Variants in MEI1 observed in about 807,000 individuals in gnomAD.
MEI1 encodes the protein meiosis inhibitor protein 1.
Under a neutral mutation model 146.2 loss-of-function variants are expected in MEI1, and 103 were observed. The ratio of observed to expected loss-of-function variants is 0.70; its 90% CI spans 0.60 to 0.83. The LOEUF (loss-of-function observed/expected upper bound fraction) is 0.83, where lower values mean the gene tolerates loss of function less well. Among genes scored for constraint, MEI1 ranks in the 40% least tolerant of loss-of-function variants. The pLI is 0.00. For missense variants in MEI1, 1,529 were observed against 1,533.0 expected (o/e 1.00, Z 0.04); for synonymous variants, 652 against 628.2 (o/e 1.04, Z -0.57).
At chr22:41,700,941 T>TTC (rs2068673891) in intron 1 of MEI1, among the ~76,000 whole-genome samples, 1 of 143,498 alleles carries the variant, frequency 7.0e-6, no homozygotes. Context: ...CTTTCTTTCT[T>TTC]TTTTTTTTTT....
In MEI1 at chr22:41,776,227, G is replaced by C; in HGVS notation, c.2670G>C (p.Leu890=). 1 of 1,613,904 alleles carries C rather than the reference G, an allele frequency of 6.2e-7. No individual in the cohort carries two copies. Among genetic ancestry groups the C allele is most frequent in the African/African-American group, 1.3e-5 (1 of 75,056 alleles). The change falls in exon 21 of 31, where the codon CTG becomes CTC. Residue 890 remains leucine, a synonymous_variant. Coordinates refer to ENST00000401548, the MANE Select transcript of MEI1 (RefSeq NM_152513.4). The part of the protein sequence containing the change: ...GLIRGHFLLI[L]QRLLVEHGAS... Reference sequence around the variant, plus strand: ...TCCGAGGCCACTTCCTGCTGATCCTGCAGCGTCTGCTAGTGGAGCATGGGG... The same window carrying C: ...TCCGAGGCCACTTCCTGCTGATCCTCCAGCGTCTGCTAGTGGAGCATGGGG...
At chr22:41,794,126 T>C (rs1444990224) in intron 27 of MEI1, among the ~76,000 whole-genome samples, 1 of 152,232 alleles carries the variant, frequency 6.6e-6, no homozygotes, top group African/African-American at 2.4e-5. Context: ...AAGGTCACAA[T>C]GCTCTTAAGT....
At position 41,770,782 on chromosome 22, in the gene MEI1, T is replaced by C; in HGVS notation, c.2365T>C (p.Tyr789His). The C allele has an allele frequency of 6.2e-7, 1 of 1,613,980 alleles. No individual in the cohort carries two copies. The highest frequency in any genetic ancestry group is 8.5e-7 in the Non-Finnish European group (1 of 1,179,882). Reference protein sequence around the residue: ...HPLLLRFFLLYPELMSRYGHR... With the variant: ...HPLLLRFFLLHPELMSRYGHR... ...GCTCCTGCTCAGGTTCTTTCTGTTG[T>C]ATCCAGAGCTCATGAGTAGGTATGG... The change falls in exon 20 of 31, where the codon TAT becomes CAT. Residue 789 changes from tyrosine (Y) to histidine (H), a missense_variant. Tyr to His is a moderately conservative substitution (Grantham distance 83, BLOSUM62 2). Transcript: ENST00000401548.
chr22:41,794,117 A>AGG (rs1168330917), intron 27 of MEI1, among the ~76,000 whole-genome samples: 1 of 152,236 alleles, frequency 6.6e-6, no homozygotes, highest in Non-Finnish European at 1.5e-5. Context: ...TGCCCAACCA[A>AGG]GGTCACAATG....
rs558880155 is a variant in MEI1 at position 41,730,362 on chromosome 22, GTTTA to G, written c.980-156_980-153del. ...AACCATAACCAAGGGCACTTTCCAG[GTTTA>G]TTAGTGGATTGATGATCATGACTCA... On this transcript the variant is annotated intron_variant, in intron 8 of 30. Transcript: ENST00000401548. 8.1e-4 allele frequency among the ~76,000 whole-genome samples: 124 copies of G among 152,304 alleles called. 1 individual carries two copies. Among genetic ancestry groups the G allele is most frequent in the African/African-American group, 3.0e-3 (124 of 41,564 alleles).
chr22:41,723,728 C>A (rs949268324), intron 6 of MEI1, among the ~76,000 whole-genome samples: 12 of 152,182 alleles, frequency 7.9e-5, no homozygotes, highest in Admixed American at 7.9e-4. Context: ...TCTTGAATCC[C>A]TAGACCCTTA....
intron 21 of MEI1, among the ~76,000 whole-genome samples, chr22:41,777,861 CTTCCTTCCTTCG>C (rs1343822761): frequency 4.0e-5 from 6 of 150,274 alleles, no homozygotes. Flanking sequence ...TGCTTCCTTC[CTTCCTTCCTTCG>C]TTCCTTCCTT....
chr22:41,755,131 T>C (rs1038515246), intron 17 of MEI1, among the ~76,000 whole-genome samples: 8 of 152,320 alleles, frequency 5.3e-5, no homozygotes, highest in South Asian at 2.1e-4. Flanking sequence ...CTGCTGTGGA[T>C]AGAGCGATTA....
rs774059965 is a variant in MEI1, at chr22:41,795,511, C to T, written c.3635C>T (p.Thr1212Ile). ...GACCTGTCTACCCTCTCGAACACCA[C>T]ACTCCAGGCCCTGCATGGCTTCTTC... ...LADLSTLSNT[T>I]LQALHGFFQQ... is the part of the protein sequence containing the mutation. The change falls in exon 29 of 31, where the codon ACA becomes ATA. Residue 1212 changes from threonine to isoleucine, a missense_variant. Around this residue, in one of 3 missense-constraint regions of MEI1, gnomAD observed 313 missense variants for 337.3 expected, o/e 0.93. Transcript: ENST00000401548. The surrounding 1 kb of genome is among the most constrained non-coding windows in gnomAD (Gnocchi z 4.2). 1 of 1,613,584 alleles carries T rather than the reference C, an allele frequency of 6.2e-7. No homozygotes were observed. Among genetic ancestry groups the T allele is most frequent in the South Asian group, 1.1e-5 (1 of 91,068 alleles).
At chr22:41,704,931 G>T (rs1008679753) in intron 2 of MEI1, among the ~76,000 whole-genome samples, 2 of 150,692 alleles carry the variant, frequency 1.3e-5, no homozygotes, top group African/African-American at 4.9e-5. Context: ...AGCCAGGATG[G>T]TCTCGATCTC....
intron 4 of MEI1, among the ~76,000 whole-genome samples, chr22:41,714,729 A>G (rs1402566612): frequency 1.3e-5 from 2 of 151,960 alleles, no homozygotes; most frequent in African/African-American, 4.8e-5. Context: ...AAAAAAAAAA[A>G]AATTAGCTGG....
chr22:41,775,932 A>G, intron 20 of MEI1, 170 bp from the exon 21 acceptor site: 1 of 606,550 alleles, frequency 1.6e-6, no homozygotes, highest in South Asian at 2.0e-5. Flanking sequence ...TTGAGGCGTC[A>G]GTGCACCTAG....
intron 24 of MEI1, among the ~76,000 whole-genome samples, chr22:41,782,119 T>C (rs1266195048): frequency 6.6e-6 from 1 of 152,164 alleles, no homozygotes; most frequent in Non-Finnish European, 1.5e-5. Flanking sequence ...GAATATAGCA[T>C]GTGTCCTACC....
At chr22:41,735,578 C>T (rs752749326) in intron 11 of MEI1, among the ~76,000 whole-genome samples, 3 of 152,136 alleles carry the variant, frequency 2.0e-5, no homozygotes, top group Non-Finnish European at 4.4e-5. Flanking sequence ...TTTTGGTCCA[C>T]AGTTGATTGA....
intron 14 of MEI1, 131 bp downstream of exon 14, chr22:41,746,157 GCT>G: frequency 1.4e-6 from 1 of 702,296 alleles, no homozygotes. Context: ...TGCAATTCTT[GCT>G]GCTACCTTTC....
At chr22:41,765,286 G>C (rs2074771355) in intron 19 of MEI1, among the ~76,000 whole-genome samples, 1 of 152,142 alleles carries the variant, frequency 6.6e-6, no homozygotes, top group Admixed American at 6.5e-5. Flanking sequence ...AAAGTGCTGG[G>C]ATTACAGGCA....
chr22:41,727,597 T>C (rs1052876996), intron 7 of MEI1, among the ~76,000 whole-genome samples: 6 of 48,726 alleles, frequency 1.2e-4, no homozygotes, highest in Non-Finnish European at 2.4e-4. Context: ...TAACCTAACC[T>C]TGCTAAAGGT....
chr22:41,754,521 C>T (rs557509012), intron 17 of MEI1, among the ~76,000 whole-genome samples: 1 of 152,242 alleles, frequency 6.6e-6, no homozygotes, highest in South Asian at 2.1e-4. Flanking sequence ...GCAACCTCTG[C>T]CTTCCAGGTT....
intron 6 of MEI1, among the ~76,000 whole-genome samples, chr22:41,721,589 CATT>C (rs1425284629): frequency 1.3e-5 from 2 of 151,250 alleles, no homozygotes; most frequent in Non-Finnish European, 2.9e-5. Flanking sequence ...GTCTGGGTCT[CATT>C]ATATTGCCCA....
Sources: allele counts gnomAD v4.1 joint callset (sites outside exome capture counted in the v4.1 genomes callset), GRCh38; gene constraint gnomAD v4.1.1; regional missense constraint gnomAD v4.1.1; non-coding constraint Gnocchi (gnomAD v3.1); transcripts MANE v1.5; gene names NCBI Gene and HGNC (gene_info 2026-07-23, HGNC 2026-07-21).